TMCO4: variants seen among roughly 807,000 people sequenced by gnomAD.
TMCO4 encodes transmembrane and coiled-coil domains 4.
Under a neutral mutation model 64.7 loss-of-function variants are expected in TMCO4, and 58 were observed. The observed-to-expected ratio is 0.90, with a 90% CI of 0.73 to 1.12. TMCO4 has a LOEUF of 1.12. Among genes scored for constraint, TMCO4 ranks in the 50% most tolerant of loss-of-function variants. TMCO4 has a pLI of 0.00. For missense variants in TMCO4, 780 were observed against 825.9 expected (o/e 0.94, Z 0.68); for synonymous variants, 325 against 346.1 (o/e 0.94, Z 0.68).
chr1:19,696,051 T>G (rs2095234433), intron 14 of TMCO4, among the ~76,000 whole-genome samples: 1 of 152,060 alleles, frequency 6.6e-6, no homozygotes, highest in African/African-American at 2.4e-5. Flanking sequence ...TGCACCGCAC[T>G]CCCTGCTCCT....
intron 12 of TMCO4, among the ~76,000 whole-genome samples, chr1:19,737,740 C>T (rs569333518): frequency 2.0e-4 from 31 of 152,380 alleles, no homozygotes; most frequent in African/African-American, 5.8e-4. Context: ...ATCCAGCCAC[C>T]GTCTCATCTT....
At chr1:19,778,244 ATATTTATT>A (rs142603109) in intron 4 of TMCO4, among the ~76,000 whole-genome samples, 10,874 of 146,274 alleles carry the variant, frequency 0.074, 686 homozygotes, top group African/African-American at 0.17. Context: ...CTCATTATTT[ATATTTATT>A]TATTTATTTA....
chr1:19,711,449 G>A (rs1046801399), intron 13 of TMCO4, among the ~76,000 whole-genome samples: 1 of 152,150 alleles, frequency 6.6e-6, no homozygotes, highest in Non-Finnish European at 1.5e-5. Context: ...AATGTGTGAT[G>A]TTTCCTTTCA....
chr1:19,746,986 T>C (rs2041822691), intron 8 of TMCO4, among the ~76,000 whole-genome samples, 177 bp downstream of exon 8: 2 of 136,822 alleles, frequency 1.5e-5, no homozygotes, highest in Admixed American at 7.6e-5. Context: ...ACCTACTGCC[T>C]CCCATGGAAG....
intron 14 of TMCO4, among the ~76,000 whole-genome samples, chr1:19,699,211 C>T (rs1209023851): frequency 6.6e-6 from 1 of 151,044 alleles, no homozygotes; most frequent in Non-Finnish European, 1.5e-5. Context: ...AAAAAAAAGG[C>T]ATGTGCTATG....
chr1:19,797,193 T>A (rs578146928), intron 2 of TMCO4, among the ~76,000 whole-genome samples: 35 of 152,308 alleles, frequency 2.3e-4, no homozygotes, highest in Admixed American at 1.2e-3. Flanking sequence ...AACTTGGCCC[T>A]GGTCCTGGAT....
intron 9 of TMCO4, 96 bp downstream of exon 9, chr1:19,746,360 G>A: frequency 6.5e-7 from 1 of 1,533,710 alleles, no homozygotes. Flanking sequence ...GTCTCCCAGG[G>A]AGTCACTGCT....
intron 7 of TMCO4, 115 bp downstream of exon 7, chr1:19,755,519 G>C (rs2042205811): frequency 3.4e-6 from 5 of 1,452,364 alleles, no homozygotes; most frequent in Non-Finnish European, 4.7e-6. Flanking sequence ...CTCTGTCCAG[G>C]GCTCCTTCCA....
At chr1:19,713,933 CATTATT>C (rs755965161) in intron 13 of TMCO4, among the ~76,000 whole-genome samples, 1 of 151,730 alleles carries the variant, frequency 6.6e-6, no homozygotes, top group Non-Finnish European at 1.5e-5. Flanking sequence ...TCTTCCAGTT[CATTATT>C]ATTATTATTA....
intron 13 of TMCO4, 94 bp downstream of exon 13, chr1:19,737,278 C>T: frequency 2.4e-6 from 3 of 1,245,200 alleles, no homozygotes; most frequent in East Asian, 2.4e-5. Context: ...ACTGGGAACA[C>T]ATTTTGCAAG....
intron 2 of TMCO4, among the ~76,000 whole-genome samples, chr1:19,796,275 T>C (rs777374057): frequency 6.6e-6 from 1 of 152,136 alleles, no homozygotes; most frequent in Non-Finnish European, 1.5e-5. Flanking sequence ...CCCCAAGTCC[T>C]TCTCCACTTT....
intron 13 of TMCO4, among the ~76,000 whole-genome samples, chr1:19,721,293 CAT>C (rs1305034): frequency 0.25 from 38,748 of 151,986 alleles, 6,172 homozygotes; most frequent in African/African-American, 0.46. Flanking sequence ...CTATTCTCTC[CAT>C]ATACACCTGT....
intron 4 of TMCO4, among the ~76,000 whole-genome samples, chr1:19,777,485 T>C (rs2043261900): frequency 2.0e-5 from 3 of 152,096 alleles, no homozygotes; most frequent in South Asian, 4.1e-4. Flanking sequence ...GTAGCTGGGA[T>C]TGTCAGTGTG....
rs1033077864 is a variant in TMCO4, at chr1:19,700,627, C to A, written c.1382+141G>T. ...TCACCAGGCCTGGGCCTGCTCCTAA[C>A]AGGGCCGGTGCCCGGCCGGTTCCTG... On this transcript the variant is annotated intron_variant, in intron 14 of 15. Transcript: ENST00000294543. 14 of 786,180 alleles carry A rather than the reference C, an allele frequency of 1.8e-5. No homozygotes were observed. In the South Asian group the frequency reaches 2.3e-4, roughly 13 times the overall value. 48.7% of individuals were successfully genotyped at this position (786,180 alleles called of 1,614,324 possible).
chr1:19,700,042 T>C (rs2095261463), intron 14 of TMCO4, among the ~76,000 whole-genome samples: 1 of 152,194 alleles, frequency 6.6e-6, no homozygotes, highest in Admixed American at 6.5e-5. Flanking sequence ...GTTTGCTTCA[T>C]CCAGAGGCTG....
At chr1:19,742,815 G>A (rs2095485643) in intron 10 of TMCO4, among the ~76,000 whole-genome samples, 1 of 152,298 alleles carries the variant, frequency 6.6e-6, no homozygotes, top group Admixed American at 6.5e-5. Context: ...ACTTTGGGAG[G>A]CCGAGGCGGG....
intron 7 of TMCO4, among the ~76,000 whole-genome samples, chr1:19,748,397 A>T (rs971686704): frequency 2.6e-5 from 4 of 152,234 alleles, no homozygotes; most frequent in African/African-American, 9.6e-5. Context: ...TTGAGAATGG[A>T]TGGCATGCTG....
intron 13 of TMCO4, among the ~76,000 whole-genome samples, chr1:19,704,980 T>C (rs1053598626): frequency 7.9e-5 from 12 of 152,208 alleles, no homozygotes; most frequent in African/African-American, 2.9e-4. Flanking sequence ...TACCCTTAGA[T>C]TTTAAAGATT....
intron 1 of TMCO4, among the ~76,000 whole-genome samples, chr1:19,798,709 G>A (rs908266106): frequency 6.6e-6 from 1 of 152,190 alleles, no homozygotes; most frequent in African/African-American, 2.4e-5. Context: ...GGAAATGCCA[G>A]TGGTCTCCCC....
Sources: gnomAD v4.1 joint callset for allele counts (sites outside exome capture counted in the v4.1 genomes callset) on GRCh38, gnomAD v4.1.1 for gene constraint, MANE v1.5 for transcripts, NCBI Gene and HGNC (gene_info 2026-07-23, HGNC 2026-07-21) for gene names.